RBPJ: variants seen among roughly 807,000 people sequenced by gnomAD.
RBPJ encodes recombining binding protein suppressor of hairless.
Under a neutral mutation model 67.8 loss-of-function variants are expected in RBPJ, and 9 were observed. The ratio of observed to expected loss-of-function variants is 0.13; its 90% CI spans 0.08 to 0.23. RBPJ has a LOEUF of 0.23. Among genes scored for constraint, RBPJ ranks in the 10% least tolerant of loss-of-function variants. The probability of loss-of-function intolerance (pLI) is 1.00; values close to 1 mark genes in which losing one functional copy is unlikely to be tolerated. For synonymous variants in RBPJ, 198 were observed against 203.3 expected (o/e 0.97, Z 0.22); for missense variants, 305 against 595.6 (o/e 0.51, Z 5.08).
At chr4:26,148,887 A>T in the RBPJ span, among the ~76,000 whole-genome samples, 1 of 152,228 alleles carries the variant, frequency 6.6e-6, no homozygotes. Context: ...ATAAAAGACC[A>T]TCAGGACCAC....
upstream of RBPJ, among the ~76,000 whole-genome samples, chr4:26,320,066 A>G (rs1039281985): frequency 2.6e-5 from 4 of 152,178 alleles, no homozygotes; most frequent in African/African-American, 7.2e-5. Flanking sequence ...AGTGGTCTCA[A>G]CACACACCTG....
At chr4:26,141,374 C>A in the RBPJ span, among the ~76,000 whole-genome samples, 1 of 152,202 alleles carries the variant, frequency 6.6e-6, no homozygotes, top group Non-Finnish European at 1.5e-5. Context: ...CCCACTCCTG[C>A]GGGTGGGAAG....
intron 3 of RBPJ, among the ~76,000 whole-genome samples, chr4:26,413,725 T>G (rs554390723): frequency 6.6e-6 from 1 of 152,266 alleles, no homozygotes; most frequent in Non-Finnish European, 1.5e-5. Flanking sequence ...AAACAAGAAG[T>G]AGATACTACC....
chr4:26,216,529 G>T (rs1019980524), intron 1 of RBPJ, among the ~76,000 whole-genome samples: 1 of 152,120 alleles, frequency 6.6e-6, no homozygotes, highest in Non-Finnish European at 1.5e-5. Context: ...AGCCAGAGGG[G>T]TGGGGTTGGG....
At chr4:26,132,382 AG>A in the RBPJ span, among the ~76,000 whole-genome samples, 1 of 152,128 alleles carries the variant, frequency 6.6e-6, no homozygotes, top group Admixed American at 6.5e-5. Flanking sequence ...GAGCCTAATT[AG>A]GGTGGGCTCA....
At chr4:26,126,950 C>A in the RBPJ span, among the ~76,000 whole-genome samples, 1 of 152,202 alleles carries the variant, frequency 6.6e-6, no homozygotes, top group Non-Finnish European at 1.5e-5. Flanking sequence ...CCTTAAAGGA[C>A]AACTCTATCC....
At chr4:26,236,717 C>T (rs1413733272) in intron 1 of RBPJ, among the ~76,000 whole-genome samples, 2 of 152,206 alleles carry the variant, frequency 1.3e-5, no homozygotes, top group Admixed American at 1.3e-4. Flanking sequence ...ACAAGACAGT[C>T]CCTAACTCAA....
chr4:26,304,968 T>C lies in RBPJ; in HGVS notation c.-166-57478T>C, dbSNP rs1002467381. ...CCTATACTGTCTTCTATGAGTTTTATAGCTTTGGTTTTTAGATTTAGGGCT... is the reference window on the plus strand; with the variant it reads ...CCTATACTGTCTTCTATGAGTTTTACAGCTTTGGTTTTTAGATTTAGGGCT... On this transcript the variant is annotated intron_variant, in intron 1 of 4. Transcript: ENST00000512351. Among the ~76,000 whole-genome samples, 9 of 152,208 alleles carry C rather than the reference T, an allele frequency of 5.9e-5. No homozygotes were observed. The East Asian group carries it at 1.7e-3, about 29-fold the overall frequency.
the RBPJ span, among the ~76,000 whole-genome samples, chr4:26,138,983 G>A: frequency 2.0e-5 from 3 of 152,224 alleles, no homozygotes; most frequent in Non-Finnish European, 4.4e-5. Context: ...GTGGGCCAAT[G>A]GAGTAACAGC....
chr4:26,428,535 A>C (rs1269951096), intron 7 of RBPJ, 185 bp from the exon 8 acceptor site: 1 of 513,822 alleles, frequency 1.9e-6, no homozygotes, highest in Non-Finnish European at 3.4e-6. Flanking sequence ...ACATGCTTGC[A>C]ATCTAAAAGT....
the RBPJ span, among the ~76,000 whole-genome samples, chr4:26,126,817 T>A: frequency 2.0e-5 from 3 of 152,174 alleles, no homozygotes; most frequent in African/African-American, 7.2e-5. Context: ...TCAAATAAGT[T>A]GAGTTTATTG....
At chr4:26,225,530 G>C (rs891145366) in intron 1 of RBPJ, among the ~76,000 whole-genome samples, 2 of 152,132 alleles carry the variant, frequency 1.3e-5, no homozygotes, top group African/African-American at 4.8e-5. Flanking sequence ...TGGTGGATAT[G>C]TGACATTATG....
At chr4:26,116,664 C>T in the RBPJ span, among the ~76,000 whole-genome samples, 10 of 152,216 alleles carry the variant, frequency 6.6e-5, no homozygotes, top group South Asian at 2.1e-4. Context: ...AAACAGATTG[C>T]AAAGGTCTGA....
chr4:26,249,287 C>T (rs2109233251), intron 1 of RBPJ, among the ~76,000 whole-genome samples: 2 of 152,198 alleles, frequency 1.3e-5, no homozygotes, highest in East Asian at 3.9e-4. Context: ...TAAATTATTA[C>T]TTTATATGCT....
chr4:26,317,958 T>C (rs1722711158), upstream of RBPJ, among the ~76,000 whole-genome samples: 2 of 152,204 alleles, frequency 1.3e-5, no homozygotes, highest in African/African-American at 4.8e-5. Flanking sequence ...AGGCCATGAC[T>C]GAAATACCTT....
chr4:26,212,177 A>G (rs561973237), intron 1 of RBPJ, among the ~76,000 whole-genome samples: 2 of 152,232 alleles, frequency 1.3e-5, no homozygotes, highest in South Asian at 4.1e-4. Flanking sequence ...CCCCGCTACA[A>G]TGGAAATTAT....
At chr4:26,137,168 C>T in the RBPJ span, among the ~76,000 whole-genome samples, 6 of 152,162 alleles carry the variant, frequency 3.9e-5, no homozygotes, top group Non-Finnish European at 7.4e-5. Context: ...GGAGGGTCAG[C>T]AGCCAAGCTC....
At chr4:26,188,997 G>A (rs1456801105) in intron 1 of RBPJ, among the ~76,000 whole-genome samples, 2 of 152,148 alleles carry the variant, frequency 1.3e-5, no homozygotes, top group Non-Finnish European at 1.5e-5. Context: ...TGTGATAGAA[G>A]GCAAGATAGT....
chr4:26,162,262 A>G (rs977633531), upstream of RBPJ, among the ~76,000 whole-genome samples: 7 of 152,214 alleles, frequency 4.6e-5, no homozygotes, highest in Non-Finnish European at 8.8e-5. Flanking sequence ...CGACCGTCTC[A>G]CTTTGCCTGT....
Sources: allele counts gnomAD v4.1 joint callset (sites outside exome capture counted in the v4.1 genomes callset), GRCh38; gene constraint gnomAD v4.1.1; transcripts MANE v1.5; gene names NCBI Gene and HGNC (gene_info 2026-07-23, HGNC 2026-07-21).